Variants in EXOC6B observed in about 807,000 individuals in gnomAD.
EXOC6B encodes SEC15 homolog B.
A neutral mutation model predicts 113.5 loss-of-function variants in EXOC6B; 54 were observed. The observed-to-expected ratio is 0.48, with a 90% CI of 0.38 to 0.60. The LOEUF is 0.60. Ranked by LOEUF, EXOC6B falls within the 20% of genes least tolerant of loss-of-function variation. The pLI is 0.00. For synonymous variants in EXOC6B, 357 were observed against 339.0 expected, an observed-to-expected ratio of 1.05 and a Z score of -0.58; for missense variants, 797 against 977.5, an observed-to-expected ratio of 0.82 and a Z score of 2.46.
intron 1 of EXOC6B, among the ~76,000 whole-genome samples, chr2:72,779,344 C>T (rs531168570): frequency 1.5e-3 from 227 of 151,618 alleles, no homozygotes; most frequent in African/African-American, 5.4e-3. Context: ...TTGCTGTCCC[C>T]ATACAAAATA....
chr2:72,595,301 A>C (rs1345564793), intron 6 of EXOC6B, among the ~76,000 whole-genome samples: 3 of 147,854 alleles, frequency 2.0e-5, no homozygotes, highest in Non-Finnish European at 4.5e-5. Flanking sequence ...ATATCTATAT[A>C]TATATATGAC....
chr2:72,565,386 G>A lies in EXOC6B; in HGVS notation c.847-5865C>T, dbSNP rs564508398. On this transcript the variant is annotated intron_variant, in intron 7 of 21. Transcript: ENST00000272427. The stretch of plus-strand genomic sequence containing the variant: ...AAAAAAAAAAAAAAGCTGAACACTG[G>A]TGAAACAAAAATTCAAGTGGTCTTT... Among the ~76,000 whole-genome samples, 984 of 145,150 alleles carry A rather than the reference G, an allele frequency of 6.8e-3. 4 individuals carry two copies. Among genetic ancestry groups the A allele is most frequent in the Non-Finnish European group, 0.011 (703 of 66,940 alleles).
chr2:72,299,527 T>C (rs1399990040), intron 20 of EXOC6B, among the ~76,000 whole-genome samples: 1 of 152,062 alleles, frequency 6.6e-6, no homozygotes, highest in Non-Finnish European at 1.5e-5. Context: ...CTTCTGTCAA[T>C]TTGTCAAACT....
chr2:72,386,855 T>C (rs1462894237), intron 18 of EXOC6B, among the ~76,000 whole-genome samples: 1 of 152,230 alleles, frequency 6.6e-6, no homozygotes, highest in Admixed American at 6.5e-5. Flanking sequence ...CTTAAATAAA[T>C]GTAATGTAAT....
intron 1 of EXOC6B, among the ~76,000 whole-genome samples, chr2:72,822,869 G>C (rs966485229): frequency 6.6e-6 from 1 of 152,056 alleles, no homozygotes; most frequent in Non-Finnish European, 1.5e-5. Flanking sequence ...AGTAGTTAAG[G>C]CAAGAGAGCT....
chr2:72,275,599 T>G (rs1010649059), intron 20 of EXOC6B, among the ~76,000 whole-genome samples: 2 of 152,150 alleles, frequency 1.3e-5, no homozygotes, highest in African/African-American at 4.8e-5. Context: ...TTAGTGCTGC[T>G]CAATTAATCC....
chr2:72,764,981 G>T (rs1005084560), intron 1 of EXOC6B, among the ~76,000 whole-genome samples: 2 of 152,052 alleles, frequency 1.3e-5, no homozygotes, highest in Admixed American at 6.6e-5. Context: ...AGCCAGGTGT[G>T]GTGGCTCACA....
intron 21 of EXOC6B, 70 bp from the exon 22 acceptor site, chr2:72,179,531 A>C: frequency 1.9e-6 from 3 of 1,575,610 alleles, no homozygotes; most frequent in East Asian, 4.5e-5. Flanking sequence ...ACCTGCAGGA[A>C]GCAGGATGGC....
At chr2:72,208,287 C>T (rs1679959419) in intron 20 of EXOC6B, among the ~76,000 whole-genome samples, 2 of 151,836 alleles carry the variant, frequency 1.3e-5, no homozygotes. Context: ...CATCTTTATG[C>T]CCATGTGAGC....
chr2:72,317,362 T>G (rs1456879704), intron 20 of EXOC6B, among the ~76,000 whole-genome samples: 1 of 152,054 alleles, frequency 6.6e-6, no homozygotes, highest in African/African-American at 2.4e-5. Context: ...AACATCTCTA[T>G]GCCCTATCAT....
At chr2:72,465,887 C>T (rs1455078931) in intron 17 of EXOC6B, among the ~76,000 whole-genome samples, 11 of 152,154 alleles carry the variant, frequency 7.2e-5, no homozygotes, top group Non-Finnish European at 2.9e-5. Flanking sequence ...TCCTGGATTT[C>T]CTTTTACTTC....
intron 6 of EXOC6B, among the ~76,000 whole-genome samples, chr2:72,699,705 A>T (rs547191119): frequency 5.9e-5 from 9 of 152,124 alleles, no homozygotes; most frequent in East Asian, 5.8e-4. Context: ...TAGCCTGATT[A>T]AAAAAAACAA....
intron 18 of EXOC6B, among the ~76,000 whole-genome samples, chr2:72,444,887 C>T (rs1437953462): frequency 6.6e-6 from 1 of 152,214 alleles, no homozygotes; most frequent in African/African-American, 2.4e-5. Context: ...ACCCTGGAGA[C>T]ATTTTTCCCA....
At chr2:72,431,498 T>C (rs551930944) in intron 18 of EXOC6B, among the ~76,000 whole-genome samples, 1 of 147,678 alleles carries the variant, frequency 6.8e-6, no homozygotes, top group South Asian at 2.2e-4. Flanking sequence ...TCTATCTATC[T>C]ATCTATCTAT....
At chr2:72,799,319 T>C (rs1353233684) in intron 1 of EXOC6B, among the ~76,000 whole-genome samples, 1 of 150,226 alleles carries the variant, frequency 6.7e-6, no homozygotes, top group Non-Finnish European at 1.5e-5. Flanking sequence ...CCTATAATCC[T>C]AGCATTTTAG....
chr2:72,704,215 T>C (rs1411939219), intron 6 of EXOC6B, among the ~76,000 whole-genome samples: 1 of 149,648 alleles, frequency 6.7e-6, no homozygotes, highest in South Asian at 2.2e-4. Context: ...AACAACCTGC[T>C]CCTGAATGAC....
intron 18 of EXOC6B, among the ~76,000 whole-genome samples, chr2:72,390,015 G>T (rs766510532): frequency 6.6e-6 from 1 of 152,180 alleles, no homozygotes; most frequent in East Asian, 1.9e-4. Flanking sequence ...AACCTGGGAG[G>T]TGGAGGTTGC....
At chr2:72,451,688 G>A (rs887425366) in intron 18 of EXOC6B, among the ~76,000 whole-genome samples, 3 of 150,932 alleles carry the variant, frequency 2.0e-5, no homozygotes, top group Non-Finnish European at 4.4e-5. Context: ...GTGTGTGTGT[G>A]TATCCCTAAT....
intron 1 of EXOC6B, chr2:72,760,659 G>A (rs1682690056): frequency 6.6e-6 from 1 of 152,264 alleles, no homozygotes; most frequent in Non-Finnish European, 1.5e-5. Flanking sequence ...TGAAAAAATG[G>A]TCCTAGAGCA....
Sources: allele counts gnomAD v4.1 joint callset (sites outside exome capture counted in the v4.1 genomes callset), GRCh38; gene constraint gnomAD v4.1.1; transcripts MANE v1.5; gene names NCBI Gene and HGNC (gene_info 2026-07-23, HGNC 2026-07-21).